Variants in ERC2 observed in about 807,000 individuals in gnomAD.
ERC2 encodes the protein ELKS/RAB6-interacting/CAST family member 2, also known as ERC protein 2.
In ERC2, 42 loss-of-function variants were observed where a neutral mutation model predicts 114.8. The ratio of observed to expected loss-of-function variants is 0.37; its 90% CI spans 0.29 to 0.47. The LOEUF is 0.47. Ranked by LOEUF, ERC2 falls within the 20% of genes least tolerant of loss-of-function variation. ERC2 has a pLI of 0.99. For synonymous variants in ERC2, 454 were observed against 425.5 expected (o/e 1.07, Z -0.82); for missense variants, 939 against 1,150.7 (o/e 0.82, Z 2.66).
At chr3:56,156,030 C>T (rs569550790) in intron 4 of ERC2, among the ~76,000 whole-genome samples, 1 of 152,162 alleles carries the variant, frequency 6.6e-6, no homozygotes, top group Non-Finnish European at 1.5e-5. Flanking sequence ...AATAAGAAGG[C>T]AACAAGATAG....
intron 2 of ERC2, among the ~76,000 whole-genome samples, chr3:56,345,636 A>G (rs1035257524): frequency 9.9e-5 from 15 of 152,214 alleles, no homozygotes; most frequent in African/African-American, 3.4e-4. Context: ...CAACAATGAT[A>G]CCAGTAAAGA....
rs543592035 is a variant in ERC2 at position 56,429,805 on chromosome 3, C to T, written c.657+4546G>A. On this transcript the variant is annotated intron_variant, in intron 2 of 17. Transcript: ENST00000288221. Reference sequence around the variant, plus strand: ...CCTTTGCACATAAGAAATTTGGTCACGGCCACCTACTCATTAGCTCCAAGG... The same window carrying T: ...CCTTTGCACATAAGAAATTTGGTCATGGCCACCTACTCATTAGCTCCAAGG... Among the ~76,000 whole-genome samples, 12 of 152,252 alleles carry T rather than the reference C, an allele frequency of 7.9e-5. No individual in the cohort carries two copies. The South Asian group carries it at 1.9e-3, about 24-fold the overall frequency.
At chr3:56,025,966 G>T (rs765090717) in intron 7 of ERC2, among the ~76,000 whole-genome samples, 7 of 151,616 alleles carry the variant, frequency 4.6e-5, no homozygotes, top group Non-Finnish European at 7.4e-5. Flanking sequence ...TTTTAATATG[G>T]CCAAAAAATG....
intron 6 of ERC2, among the ~76,000 whole-genome samples, chr3:56,105,136 G>C (rs953663075): frequency 5.9e-5 from 9 of 152,072 alleles, no homozygotes; most frequent in Non-Finnish European, 1.2e-4. Flanking sequence ...GCATGTTGGA[G>C]CAACAGCCTG....
At chr3:56,413,178 C>T (rs1028893178) in intron 2 of ERC2, among the ~76,000 whole-genome samples, 1 of 152,190 alleles carries the variant, frequency 6.6e-6, no homozygotes, top group African/African-American at 2.4e-5. Context: ...GCTGCGGACC[C>T]GAACAAGGCA....
At chr3:56,003,217 AT>A in intron 10 of ERC2, 1 of 880,602 alleles carries the variant, frequency 1.1e-6, no homozygotes, top group Non-Finnish European at 1.4e-6. Flanking sequence ...GCTCAACAAA[AT>A]CCATGCATTC....
intron 3 of ERC2, among the ~76,000 whole-genome samples, chr3:56,293,124 A>AAATG (rs1287404592): frequency 2.0e-5 from 3 of 152,262 alleles, no homozygotes; most frequent in Non-Finnish European, 4.4e-5. Context: ...ATGAATGAAT[A>AAATG]AATGAATGAA....
intron 17 of ERC2, among the ~76,000 whole-genome samples, chr3:55,601,737 G>A (rs576473752): frequency 2.0e-5 from 3 of 152,198 alleles, no homozygotes; most frequent in Non-Finnish European, 4.4e-5. Context: ...TGAGGCAAGA[G>A]AATCCCTTGA....
intron 7 of ERC2, among the ~76,000 whole-genome samples, chr3:56,049,126 G>A (rs2075631264): frequency 6.6e-6 from 1 of 152,220 alleles, no homozygotes; most frequent in South Asian, 2.1e-4. Flanking sequence ...AGAATGCTAA[G>A]GACCTTTATT....
intron 6 of ERC2, among the ~76,000 whole-genome samples, chr3:56,121,211 A>G (rs1209974486): frequency 6.6e-6 from 1 of 152,260 alleles, no homozygotes; most frequent in Admixed American, 6.5e-5. Context: ...GTATATCTGT[A>G]TGTCTGTATG....
intron 10 of ERC2, among the ~76,000 whole-genome samples, chr3:55,999,660 T>G (rs981502488): frequency 2.0e-5 from 3 of 151,586 alleles, no homozygotes; most frequent in Non-Finnish European, 4.4e-5. Flanking sequence ...TAAATATATA[T>G]AGATATGCTT....
At chr3:56,164,459 T>A (rs532395529) in intron 4 of ERC2, among the ~76,000 whole-genome samples, 25 of 152,278 alleles carry the variant, frequency 1.6e-4, no homozygotes, top group Admixed American at 1.2e-3. Flanking sequence ...AATATTCTAC[T>A]ATGTGGATAT....
At chr3:55,652,537 G>T (rs933809381) in intron 17 of ERC2, among the ~76,000 whole-genome samples, 1 of 152,028 alleles carries the variant, frequency 6.6e-6, no homozygotes, top group Non-Finnish European at 1.5e-5. Context: ...CCAGGTAAGG[G>T]CTTCATATGC....
At chr3:55,831,622 C>T (rs909034111) in intron 14 of ERC2, among the ~76,000 whole-genome samples, 10 of 152,046 alleles carry the variant, frequency 6.6e-5, no homozygotes, top group Admixed American at 1.3e-4. Flanking sequence ...AGAACCTGGT[C>T]GGGCAGCCAA....
intron 17 of ERC2, among the ~76,000 whole-genome samples, chr3:55,663,594 C>T (rs545664655): frequency 1.9e-3 from 282 of 152,292 alleles, no homozygotes; most frequent in Non-Finnish European, 2.9e-3. Flanking sequence ...GGTTGAGCTG[C>T]AGGAGGAATT....
At chr3:56,373,062 C>A (rs1217983785) in intron 2 of ERC2, among the ~76,000 whole-genome samples, 1 of 152,162 alleles carries the variant, frequency 6.6e-6, no homozygotes, top group East Asian at 1.9e-4. Flanking sequence ...AATGTAAATT[C>A]TTTTAGTGCT....
chr3:56,122,148 G>A (rs371102726), intron 6 of ERC2, among the ~76,000 whole-genome samples: 162 of 152,312 alleles, frequency 1.1e-3, no homozygotes, highest in African/African-American at 3.4e-3. Flanking sequence ...ACTAAAGCAC[G>A]GTATGTGGAG....
chr3:55,781,971 T>C (rs1325592314), intron 14 of ERC2, among the ~76,000 whole-genome samples: 1 of 151,852 alleles, frequency 6.6e-6, no homozygotes, highest in Admixed American at 6.6e-5. Context: ...TAACTCCACG[T>C]TGTTTCCCTG....
At chr3:56,215,046 T>C (rs1317522260) in intron 3 of ERC2, among the ~76,000 whole-genome samples, 2 of 152,082 alleles carry the variant, frequency 1.3e-5, no homozygotes, top group South Asian at 2.1e-4. Context: ...ACATGCCAAA[T>C]TGTAAAGACC....
Sources: gnomAD v4.1 joint callset for allele counts (sites outside exome capture counted in the v4.1 genomes callset) on GRCh38, gnomAD v4.1.1 for gene constraint, MANE v1.5 for transcripts, NCBI Gene and HGNC (gene_info 2026-07-23, HGNC 2026-07-21) for gene names.